RARB: variants seen among roughly 807,000 people sequenced by gnomAD.
The protein encoded by RARB is HBV-activated protein.
A neutral mutation model predicts 51.9 loss-of-function variants in RARB; 17 were observed. The observed-to-expected ratio is 0.33, with a 90% confidence interval of 0.22 to 0.49. The LOEUF is 0.49. RARB is among the 20% of genes least tolerant of loss of function. RARB has a pLI of 0.99. For synonymous variants in RARB, 215 were observed against 195.4 expected (o/e 1.10, Z -0.84); for missense variants, 369 against 550.8 (o/e 0.67, Z 3.30).
intron 2 of RARB, among the ~76,000 whole-genome samples, chr3:24,951,059 G>A (rs1259425825): frequency 6.6e-6 from 1 of 152,162 alleles, no homozygotes; most frequent in Non-Finnish European, 1.5e-5. Flanking sequence ...ATCTCTGGGA[G>A]TACTTCCCTC....
At chr3:25,249,833 G>A (rs1245395803) in intron 5 of RARB, among the ~76,000 whole-genome samples, 1 of 61,346 alleles carries the variant, frequency 1.6e-5, no homozygotes, top group Non-Finnish European at 2.8e-5. Flanking sequence ...CAGTCCTGGG[G>A]CCCCAGTGGT....
chr3:25,383,432 T>C (rs1299520239), intron 5 of RARB, among the ~76,000 whole-genome samples: 1 of 152,214 alleles, frequency 6.6e-6, no homozygotes, highest in African/African-American at 2.4e-5. Flanking sequence ...CCTGTATTGA[T>C]AGCCTTTGCT....
chr3:25,440,378 T>C (rs943243810), intron 1 of RARB, among the ~76,000 whole-genome samples: 1 of 151,688 alleles, frequency 6.6e-6, no homozygotes, highest in African/African-American at 2.4e-5. Context: ...CCTGGGAATG[T>C]TGAGGCTGCA....
At chr3:25,540,156 C>T (rs1699318440) in intron 3 of RARB, among the ~76,000 whole-genome samples, 1 of 152,102 alleles carries the variant, frequency 6.6e-6, no homozygotes, top group African/African-American at 2.4e-5. Flanking sequence ...TATTTATTGA[C>T]CCAGTGATTT....
intron 3 of RARB, among the ~76,000 whole-genome samples, chr3:25,513,115 T>TAAAA (rs11420573): frequency 6.1e-5 from 6 of 98,484 alleles, no homozygotes; most frequent in East Asian, 2.7e-4. Context: ...CTGTCTTTAC[T>TAAAA]AAAAAAAAAA....
chr3:25,158,298 A>C (rs1320068026), intron 4 of RARB, among the ~76,000 whole-genome samples: 2 of 152,254 alleles, frequency 1.3e-5, no homozygotes, highest in Non-Finnish European at 2.9e-5. Context: ...AGAATGCTAT[A>C]ATTATTGAAA....
intron 5 of RARB, among the ~76,000 whole-genome samples, chr3:25,247,694 T>A (rs866205199): frequency 6.6e-6 from 1 of 152,172 alleles, no homozygotes; most frequent in Admixed American, 6.5e-5. Flanking sequence ...GGTACCTCAG[T>A]TGGAAATGCA....
intron 5 of RARB, among the ~76,000 whole-genome samples, chr3:25,292,962 C>A (rs1325857050): frequency 6.6e-6 from 1 of 152,112 alleles, no homozygotes; most frequent in African/African-American, 2.4e-5. Context: ...GATGTGTTCT[C>A]CGCGAGAGCC....
chr3:25,436,377 G>A (rs1448215164), intron 1 of RARB, among the ~76,000 whole-genome samples: 1 of 152,210 alleles, frequency 6.6e-6, no homozygotes, highest in African/African-American at 2.4e-5. Context: ...CAGATAAAGG[G>A]TAATAATCCA....
At chr3:25,185,795 T>G (rs1421277744) in intron 5 of RARB, among the ~76,000 whole-genome samples, 1 of 152,154 alleles carries the variant, frequency 6.6e-6, no homozygotes, top group Non-Finnish European at 1.5e-5. Flanking sequence ...TAAGAAATCT[T>G]ATTCCAGAAC....
At chr3:25,220,959 A>G (rs1701935258) in intron 5 of RARB, among the ~76,000 whole-genome samples, 1 of 152,104 alleles carries the variant, frequency 6.6e-6, no homozygotes, top group Non-Finnish European at 1.5e-5. Flanking sequence ...GTGTAAAGCA[A>G]TGGATTATGT....
intron 5 of RARB, among the ~76,000 whole-genome samples, chr3:25,328,242 G>C (rs554684458): frequency 6.6e-6 from 1 of 152,200 alleles, no homozygotes; most frequent in African/African-American, 2.4e-5. Context: ...CCTCTAGGCC[G>C]GGTGCAGTGG....
chr3:25,020,497 T>A (rs1175092013), intron 2 of RARB: 1 of 152,170 alleles, frequency 6.6e-6, no homozygotes, highest in Non-Finnish European at 1.5e-5. Context: ...ATAATCACTT[T>A]ATTTTGAATA....
rs148513910 is a variant in RARB at position 25,479,464 on chromosome 3, T to C, written c.306+18123T>C. Among the ~76,000 whole-genome samples the C allele has an allele frequency of 8.8e-3, 1,341 of 152,340 alleles. 51 individuals are homozygous for C. Among genetic ancestry groups the C allele is most frequent in the Admixed American group, 0.069 (1,053 of 15,296 alleles). ...AATTAGATTAAAACCCCAAAAGCTATTTATTAATTTGTTCCTATTTAAAAT... is the reference window on the plus strand; with the variant it reads ...AATTAGATTAAAACCCCAAAAGCTACTTATTAATTTGTTCCTATTTAAAAT... On this transcript the variant is annotated intron_variant, in intron 2 of 7. Coordinates refer to ENST00000330688, the MANE Select transcript of RARB (RefSeq NM_000965.5).
In RARB at chr3:25,463,164, C is replaced by T. The variant is rs991408332; in HGVS notation, c.306+1823C>T. ...CTGGGAATACAGGTGTGAGCCACCA[C>T]GCCCAGCCCCACTCAATTTCTTAAT... is the stretch of plus-strand genomic sequence containing the variant. On this transcript the variant is annotated intron_variant, in intron 2 of 7. Coordinates refer to ENST00000330688, the MANE Select transcript of RARB (RefSeq NM_000965.5). Among the ~76,000 whole-genome samples, 50 of 152,168 alleles carry T rather than the reference C, an allele frequency of 3.3e-4. 1 individual carries two copies. Among genetic ancestry groups the T allele is most frequent in the African/African-American group, 1.1e-3 (46 of 41,514 alleles).
In RARB at chr3:25,429,674, A is replaced by T. The variant is rs113483053; in HGVS notation, c.157+786A>T. Among the ~76,000 whole-genome samples, 976 of 152,310 alleles carry T rather than the reference A, an allele frequency of 6.4e-3. 5 individuals carry two copies. Among genetic ancestry groups the T allele is most frequent in the Non-Finnish European group, 0.01 (700 of 68,022 alleles). On this transcript the variant is annotated intron_variant, in intron 1 of 7. Coordinates refer to ENST00000330688, the MANE Select transcript of RARB (RefSeq NM_000965.5). ...GTGGGGTAGCCCAATTTAAAAAAAAAATATTGACTATTTTGTTATCTGATG... is the reference window on the plus strand; with the variant it reads ...GTGGGGTAGCCCAATTTAAAAAAAATATATTGACTATTTTGTTATCTGATG...
chr3:24,878,695 A>C (rs1377687827), intron 2 of RARB, among the ~76,000 whole-genome samples: 14 of 152,156 alleles, frequency 9.2e-5, no homozygotes, highest in Admixed American at 8.5e-4. Flanking sequence ...CATATATGCC[A>C]AATGTGTCTT....
chr3:25,077,109 T>C lies in RARB; in HGVS notation c.-328+16933T>C, dbSNP rs569624661. Among the ~76,000 whole-genome samples the C allele has an allele frequency of 3.3e-5, 5 of 152,358 alleles. 1 individual carries two copies. The East Asian group carries it at 9.6e-4, about 29-fold the overall frequency. On this transcript the variant is annotated intron_variant, in intron 3 of 11. Coordinates refer to the RARB transcript ENST00000383772. ...TAGAAATACATTGGTCCTCCCCATA[T>C]GGTCAAACCCAATATTGATAATTAA...
At chr3:25,008,245 T>A (rs1310792698) in intron 2 of RARB, among the ~76,000 whole-genome samples, 1 of 152,128 alleles carries the variant, frequency 6.6e-6, no homozygotes, top group African/African-American at 2.4e-5. Flanking sequence ...TTTTAGCAGT[T>A]TACAACAAGC....
Sources: allele counts gnomAD v4.1 joint callset (sites outside exome capture counted in the v4.1 genomes callset), GRCh38; gene constraint gnomAD v4.1.1; transcripts MANE v1.5; gene names NCBI Gene and HGNC (gene_info 2026-07-23, HGNC 2026-07-21).